KIF13A: variants seen among roughly 807,000 people sequenced by gnomAD.
The protein encoded by KIF13A is kinesin-like protein KIF13A.
A neutral mutation model predicts 212.2 loss-of-function variants in KIF13A; 79 were observed. That is an observed-to-expected ratio of 0.37 (90% CI 0.31 to 0.45). The LOEUF is 0.45. KIF13A is among the 20% of genes least tolerant of loss of function. KIF13A has a pLI of 1.00. For missense variants in KIF13A, 1,901 were observed against 2,209.0 expected (o/e 0.86, Z 2.79); for synonymous variants, 789 against 808.6 (o/e 0.98, Z 0.41).
chr6:17,927,493 C>G (rs1775585508), intron 2 of KIF13A, among the ~76,000 whole-genome samples: 1 of 151,902 alleles, frequency 6.6e-6, no homozygotes. Flanking sequence ...GAGCAGTTCC[C>G]AGGGGCTTGG....
rs1160826813 is a variant in KIF13A at position 17,987,095 on chromosome 6, C to T, written c.105G>A (p.Thr35=). 5 of 1,613,622 alleles carry T rather than the reference C, an allele frequency of 3.1e-6. No homozygotes were observed. The highest frequency in any genetic ancestry group is 2.2e-5 in the South Asian group (2 of 91,052). The change falls in exon 2 of 39, where the codon ACG becomes ACA. Residue 35 remains threonine, a synonymous_variant. Coordinates refer to ENST00000259711, the MANE Select transcript of KIF13A (RefSeq NM_022113.6). This position sits in a 1 kb window ranked among gnomAD's most constrained non-coding sequence, Gnocchi z 7.7. ...TGTTAGAAGGAGGAGGGTGCAGGAC[C>T]GTTTGATTCCCTTCCATCTCCACCA... ...KCVVEMEGNQ[T]VLHPPPSNTK...
rs1776262899 is a variant in KIF13A at position 17,934,266 on chromosome 6, G to A, written c.147-36086C>T. On this transcript the variant is annotated intron_variant, in intron 2 of 38. Coordinates refer to ENST00000259711, the MANE Select transcript of KIF13A (RefSeq NM_022113.6). This position sits in a 1 kb window ranked among gnomAD's most constrained non-coding sequence, Gnocchi z 5.4. ...TTCTTAAGTGACCTGTGTGAGGTCA[G>A]AGCAGAGGGCCCGGCTTGTAGCGTG... Among the ~76,000 whole-genome samples the A allele has an allele frequency of 6.6e-6, 1 of 152,164 alleles. No homozygotes were observed. Among genetic ancestry groups the A allele is most frequent in the Non-Finnish European group, 1.5e-5 (1 of 68,036 alleles).
intron 12 of KIF13A, among the ~76,000 whole-genome samples, chr6:17,833,623 C>T (rs576503694): frequency 1.2e-4 from 18 of 151,622 alleles, no homozygotes; most frequent in East Asian, 9.7e-4. Context: ...TGGGAGGCTG[C>T]GGCTGGCAGA....
intron 3 of KIF13A, among the ~76,000 whole-genome samples, chr6:17,890,101 T>C (rs1263570907): frequency 6.6e-6 from 1 of 151,472 alleles, no homozygotes; most frequent in Non-Finnish European, 1.5e-5. Flanking sequence ...GGCAGGAGAA[T>C]TGCTTGAACT....
chr6:17,854,295 C>A (rs545659404), intron 6 of KIF13A, among the ~76,000 whole-genome samples: 2 of 151,996 alleles, frequency 1.3e-5, no homozygotes, highest in South Asian at 2.1e-4. Context: ...CCCAGCACCA[C>A]GCCCAGCTAA....
intron 17 of KIF13A, among the ~76,000 whole-genome samples, chr6:17,813,948 CTTTTT>C (rs36144211): frequency 1.2e-3 from 112 of 90,718 alleles, no homozygotes; most frequent in Middle Eastern, 6.9e-3. Flanking sequence ...TAAGGTGCTG[CTTTTT>C]TTTTTTTTTT....
intron 29 of KIF13A, among the ~76,000 whole-genome samples, chr6:17,781,720 G>A (rs1760601476): frequency 6.8e-6 from 1 of 146,882 alleles, no homozygotes; most frequent in Non-Finnish European, 1.5e-5. Flanking sequence ...TTGAACTTCT[G>A]GGCTCAAGAG....
chr6:17,764,592 G>C lies in KIF13A; in HGVS notation c.4936C>G (p.Pro1646Ala). 6.2e-7 allele frequency: 1 copy of C among 1,613,912 alleles called. No homozygotes were observed. The highest frequency in any genetic ancestry group is 8.5e-7 in the Non-Finnish European group (1 of 1,179,868). Residue 1646 changes from proline (P) to alanine (A), a missense_variant, in exon 39 of 39, where the codon CCG becomes GCG. Coordinates refer to ENST00000259711, the MANE Select transcript of KIF13A (RefSeq NM_022113.6). The surrounding 1 kb of genome is among the most constrained non-coding windows in gnomAD (Gnocchi z 5.1). The stretch of plus-strand genomic sequence containing the variant: ...TCTGTCAACTCTTTGTTTGAGGACG[G>C]CCTGAAATCATGCACAAGCGATGGT... ...STPSLVHDFR[P>A]SSNKELTEVE...
At chr6:17,928,285 T>G (rs1157416877) in intron 2 of KIF13A, among the ~76,000 whole-genome samples, 1 of 152,232 alleles carries the variant, frequency 6.6e-6, no homozygotes, top group Admixed American at 6.5e-5. Flanking sequence ...TTTTGGGGTT[T>G]ATTTTCTAAA....
intron 2 of KIF13A, among the ~76,000 whole-genome samples, chr6:17,941,435 C>G (rs1038355872): frequency 6.6e-6 from 1 of 152,138 alleles, no homozygotes; most frequent in Non-Finnish European, 1.5e-5. Flanking sequence ...GAAGCCTTAA[C>G]CCTCAGTACC....
intron 3 of KIF13A, among the ~76,000 whole-genome samples, chr6:17,879,287 C>T (rs992000157): frequency 1.6e-4 from 24 of 152,200 alleles, no homozygotes; most frequent in African/African-American, 5.5e-4. Context: ...TCCATGCACC[C>T]CATAGTGCCT....
chr6:17,920,528 C>T (rs1467789061), intron 2 of KIF13A, among the ~76,000 whole-genome samples: 1 of 152,116 alleles, frequency 6.6e-6, no homozygotes, highest in East Asian at 1.9e-4. Context: ...AAGCTGAGAC[C>T]TTATTCTTTT....
chr6:17,819,904 C>T (rs1764286476), intron 16 of KIF13A, among the ~76,000 whole-genome samples: 1 of 152,066 alleles, frequency 6.6e-6, no homozygotes, highest in Non-Finnish European at 1.5e-5. Context: ...TACTTGCCAT[C>T]CATTTATATT....
chr6:17,776,802 G>A lies in KIF13A; in HGVS notation c.4170+475C>T, dbSNP rs1270862246. Among the ~76,000 whole-genome samples the A allele has an allele frequency of 6.6e-6, 1 of 152,108 alleles. No homozygotes were observed. Among genetic ancestry groups the A allele is most frequent in the Non-Finnish European group, 1.5e-5 (1 of 68,016 alleles). The stretch of plus-strand genomic sequence containing the variant: ...CAGTTTCTGTCAATTGGATTTTCTA[G>A]ATTAACTGGTTGAGAAAAATAACGA... On this transcript the variant is annotated intron_variant, in intron 34 of 38. Coordinates refer to ENST00000259711, the MANE Select transcript of KIF13A (RefSeq NM_022113.6). The surrounding 1 kb of genome is among the most constrained non-coding windows in gnomAD (Gnocchi z 4.6).
chr6:17,909,919 A>C (rs1054407363), intron 2 of KIF13A, among the ~76,000 whole-genome samples: 1 of 152,186 alleles, frequency 6.6e-6, no homozygotes, highest in Non-Finnish European at 1.5e-5. Context: ...GGGAAAAAAA[A>C]CTCTGGAAAG....
chr6:17,811,269 T>C lies in KIF13A; in HGVS notation c.2001-2339A>G, dbSNP rs1347846376. Among the ~76,000 whole-genome samples, 1 of 152,192 alleles carries C rather than the reference T, an allele frequency of 6.6e-6. No homozygotes were observed. Among genetic ancestry groups the C allele is most frequent in the East Asian group, 1.9e-4 (1 of 5,202 alleles). ...CACTTAGCGATTACATGCTTTTCAC[T>C]TCAATACATTCACACAATCAATGCA... On this transcript the variant is annotated intron_variant, in intron 17 of 38. Transcript: ENST00000259711. The surrounding 1 kb of genome is among the most constrained non-coding windows in gnomAD (Gnocchi z 6.0).
chr6:17,963,623 C>T lies in KIF13A; in HGVS notation c.146+23431G>A, dbSNP rs566331942. 3.3e-5 allele frequency among the ~76,000 whole-genome samples: 5 copies of T among 152,266 alleles called. No individual in the cohort carries two copies. Among genetic ancestry groups the T allele is most frequent in the South Asian group, 2.1e-4 (1 of 4,824 alleles). On this transcript the variant is annotated intron_variant, in intron 2 of 38. Coordinates refer to ENST00000259711, the MANE Select transcript of KIF13A (RefSeq NM_022113.6). The surrounding 1 kb of genome is among the most constrained non-coding windows in gnomAD (Gnocchi z 4.1). ...CCTAGGCTGGAGTGCTGCGCGTGATCGCAGCTTACTGCAACCTCCGCCTCC... is the reference window on the plus strand; with the variant it reads ...CCTAGGCTGGAGTGCTGCGCGTGATTGCAGCTTACTGCAACCTCCGCCTCC...
intron 17 of KIF13A, among the ~76,000 whole-genome samples, chr6:17,810,163 T>C (rs543498877): frequency 6.6e-6 from 1 of 152,338 alleles, no homozygotes; most frequent in South Asian, 2.1e-4. Context: ...GTCCAAAAAA[T>C]AAGCCTATTG....
intron 3 of KIF13A, among the ~76,000 whole-genome samples, chr6:17,875,574 C>T (rs1770475063): frequency 6.6e-6 from 1 of 151,842 alleles, no homozygotes. Flanking sequence ...CCTGCCTCAG[C>T]CTCCCAAGTA....
Sources: allele counts gnomAD v4.1 joint callset (sites outside exome capture counted in the v4.1 genomes callset), GRCh38; gene constraint gnomAD v4.1.1; non-coding constraint Gnocchi (gnomAD v3.1); transcripts MANE v1.5; gene names NCBI Gene and HGNC (gene_info 2026-07-23, HGNC 2026-07-21).